Variants in KDM1A observed in about 807,000 individuals in gnomAD.
The protein encoded by KDM1A is lysine demethylase 1A, also known as lysine-specific histone demethylase 1A.
In KDM1A, 49 loss-of-function variants were observed where a neutral mutation model predicts 109.4. That is an observed-to-expected ratio of 0.45 (90% CI 0.36 to 0.57). The LOEUF is 0.57. KDM1A is among the 20% of genes least tolerant of loss of function. The probability of loss-of-function intolerance (pLI) is 0.00; values close to 1 mark genes in which losing one functional copy is unlikely to be tolerated. For missense variants in KDM1A, 668 were observed against 1,116.6 expected (o/e 0.60, Z 5.73); for synonymous variants, 380 against 415.4 (o/e 0.91, Z 1.04).
At chr1:23,071,186 T>A in intron 12 of KDM1A, 39 bp from the exon 13 acceptor site, 1 of 1,557,676 alleles carries the variant, frequency 6.4e-7, no homozygotes, top group Non-Finnish European at 8.7e-7. Context: ...TAAACTACAT[T>A]GCTATCTGGA....
chr1:23,066,180 C>T (rs1479822539), intron 10 of KDM1A, 109 bp downstream of exon 10: 11 of 777,112 alleles, frequency 1.4e-5, no homozygotes, highest in Admixed American at 2.3e-5. Flanking sequence ...ATCATACATT[C>T]ACACTGGTTT....
intron 15 of KDM1A, among the ~76,000 whole-genome samples, chr1:23,076,281 T>G (rs1643462568): frequency 6.6e-6 from 1 of 151,808 alleles, no homozygotes; most frequent in Non-Finnish European, 1.5e-5. Context: ...TAGAAAAATT[T>G]TCAGTAAATT....
At chr1:23,036,831 C>T (rs1202931228) in intron 2 of KDM1A, among the ~76,000 whole-genome samples, 1 of 152,022 alleles carries the variant, frequency 6.6e-6, no homozygotes, top group Non-Finnish European at 1.5e-5. Flanking sequence ...AAAAAATAGG[C>T]ATTTTCTACA....
chr1:23,083,613 A>T lies in KDM1A; in HGVS notation c.*249A>T, dbSNP rs1489510509. 1 of 365,362 alleles carries T rather than the reference A, an allele frequency of 2.7e-6. No individual in the cohort carries two copies. The highest frequency in any genetic ancestry group is 4.9e-6 in the Non-Finnish European group (1 of 202,728). The allele number at this position is 365,362 out of a possible 1,614,324, so 22.6% of individuals were successfully genotyped here. On this transcript the variant is annotated 3_prime_UTR_variant, in exon 21 of 21. Coordinates refer to ENST00000400181, the MANE Select transcript of KDM1A (RefSeq NM_001009999.3). ...TGAGGCAAGCAAGTGCTGTGAAATA[A>T]CATCATCTTAGTCCCTTGGTGTGTG...
intron 15 of KDM1A, among the ~76,000 whole-genome samples, chr1:23,076,869 G>A (rs1232874065): frequency 6.6e-6 from 1 of 151,646 alleles, no homozygotes; most frequent in Non-Finnish European, 1.5e-5. Flanking sequence ...GGAGGCTGAG[G>A]CAAGAGAATC....
chr1:23,028,050 C>G (rs1427836206), intron 1 of KDM1A, among the ~76,000 whole-genome samples: 1 of 152,162 alleles, frequency 6.6e-6, no homozygotes, highest in Non-Finnish European at 1.5e-5. Context: ...CCTTTCTAGA[C>G]CACCCTTTTC....
chr1:23,082,822 A>T lies in KDM1A; in HGVS notation c.2446-357A>T, dbSNP rs1007672945. 52 of 210,428 alleles carry T rather than the reference A, an allele frequency of 2.5e-4. 1 individual carries two copies. The highest frequency in any genetic ancestry group is 1.7e-3 in the Middle Eastern group (1 of 572). The allele number at this position is 210,428 out of a possible 1,614,324, so 13.0% of individuals were successfully genotyped here. A position where few individuals can be genotyped will look rare whatever the true frequency, so the allele number is the denominator to read the frequency against. On this transcript the variant is annotated intron_variant, in intron 20 of 20. Coordinates refer to ENST00000400181, the MANE Select transcript of KDM1A (RefSeq NM_001009999.3). ...CATAGCCCAGACCTGCTGAGCTGCG[A>T]GGCTTAAGTGTCCCTGATCACCAAA...
At chr1:23,032,930 C>A (rs986805290) in intron 2 of KDM1A, among the ~76,000 whole-genome samples, 5 of 152,188 alleles carry the variant, frequency 3.3e-5, no homozygotes, top group Non-Finnish European at 4.4e-5. Context: ...GACGGAGTCT[C>A]GCTCTGTCGC....
At chr1:23,047,169 T>C (rs1331037040) in intron 3 of KDM1A, among the ~76,000 whole-genome samples, 1 of 152,222 alleles carries the variant, frequency 6.6e-6, no homozygotes, top group Non-Finnish European at 1.5e-5. Context: ...ATTTAGCTTC[T>C]CAACAGTTTA....
intron 4 of KDM1A, 55 bp from the exon 5 acceptor site, chr1:23,053,706 G>A (rs2124462653): frequency 8.3e-7 from 1 of 1,211,892 alleles, no homozygotes; most frequent in Admixed American, 1.7e-5. Context: ...TTTAAAGATA[G>A]TCAAATAACA....
chr1:23,043,621 TTGA>T (rs1295580135), intron 2 of KDM1A, among the ~76,000 whole-genome samples: 1 of 152,230 alleles, frequency 6.6e-6, no homozygotes, highest in Non-Finnish European at 1.5e-5. Flanking sequence ...AGCATCTGTC[TTGA>T]TGATAGATTT....
At chr1:23,033,347 C>A (rs1446796156) in intron 2 of KDM1A, among the ~76,000 whole-genome samples, 1 of 152,108 alleles carries the variant, frequency 6.6e-6, no homozygotes, top group African/African-American at 2.4e-5. Flanking sequence ...CATAGTGAAA[C>A]TCTGTCTCTA....
At chr1:23,062,214 T>G (rs1313614069) in intron 9 of KDM1A, among the ~76,000 whole-genome samples, 1 of 152,226 alleles carries the variant, frequency 6.6e-6, no homozygotes, top group Non-Finnish European at 1.5e-5. Context: ...TACACCTGGC[T>G]GACATTTCAG....
chr1:23,041,649 G>T lies in KDM1A; in HGVS notation c.518-2778G>T, dbSNP rs143208922. Among the ~76,000 whole-genome samples the T allele has an allele frequency of 1.3e-3, 190 of 151,680 alleles. 1 individual carries two copies. The highest frequency in any genetic ancestry group is 4.3e-3 in the African/African-American group (178 of 41,376). ...GTAGAGACAGCGTTTCACCATGTTG[G>T]TCAGGCTGGTCTTGAACTCCTGACC... On this transcript the variant is annotated intron_variant, in intron 2 of 20. Coordinates refer to ENST00000400181, the MANE Select transcript of KDM1A (RefSeq NM_001009999.3).
chr1:23,055,647 TTAAC>T (rs1300601877), intron 6 of KDM1A, among the ~76,000 whole-genome samples: 5 of 152,194 alleles, frequency 3.3e-5, no homozygotes, highest in African/African-American at 7.2e-5. Context: ...TATTAACAAA[TTAAC>T]TAAGAATCAC....
chr1:23,062,081 C>T (rs1379632626), intron 9 of KDM1A, among the ~76,000 whole-genome samples: 1 of 152,170 alleles, frequency 6.6e-6, no homozygotes. Context: ...GCTTTATTCT[C>T]TTATTGCAGG....
chr1:23,059,546 T>C (rs911214250), intron 9 of KDM1A, among the ~76,000 whole-genome samples: 1 of 152,222 alleles, frequency 6.6e-6, no homozygotes, highest in Admixed American at 6.5e-5. Flanking sequence ...ATGTGTTCTT[T>C]ATGACTTCAG....
chr1:23,019,559 AGCGGCCCCTACGGCCGTCGGCGGCCCG>A lies in KDM1A; in HGVS notation c.-30_-4del. Reference sequence around the variant, plus strand: ...TTCGGACCCACGGAGCGACAGAGCGAGCGGCCCCTACGGCCGTCGGCGGCCCGGCGGCCCGAGATGTTATCTGGGAAG... The same window carrying A: ...TTCGGACCCACGGAGCGACAGAGCGAGCGGCCCGAGATGTTATCTGGGAAG... On this transcript the variant is annotated 5_prime_UTR_variant, in exon 1 of 21. Coordinates refer to ENST00000400181, the MANE Select transcript of KDM1A (RefSeq NM_001009999.3). The A allele has an allele frequency of 1.4e-6, 2 of 1,380,700 alleles. No individual in the cohort carries two copies. Among genetic ancestry groups the A allele is most frequent in the South Asian group, 3.5e-5 (2 of 56,648 alleles). 85.5% of individuals were successfully genotyped at this position (1,380,700 alleles called of 1,614,324 possible).
intron 1 of KDM1A, chr1:23,020,503 T>A (rs537419540): frequency 3.9e-5 from 6 of 152,188 alleles, no homozygotes; most frequent in African/African-American, 9.6e-5. Context: ...TTTTCTTTTT[T>A]AAAATCCTCT....
Sources: allele counts gnomAD v4.1 joint callset (sites outside exome capture counted in the v4.1 genomes callset), GRCh38; gene constraint gnomAD v4.1.1; transcripts MANE v1.5; gene names NCBI Gene and HGNC (gene_info 2026-07-23, HGNC 2026-07-21).